The following PCDH15 variants were observed in gnomAD, a reference collection of about 807,000 sequenced individuals.
PCDH15 encodes the protein protocadherin related 15.
PCDH15 carries 129 observed loss-of-function variants against 178.5 expected under a neutral mutation model. The observed-to-expected ratio is 0.72, with a 90% CI of 0.63 to 0.84. The LOEUF (loss-of-function observed/expected upper bound fraction) is 0.84, where lower values mean the gene tolerates loss of function less well. Among genes scored for constraint, PCDH15 ranks in the 40% least tolerant of loss-of-function variants. PCDH15 has a pLI of 0.00. For synonymous variants in PCDH15, 800 were observed against 732.0 expected (o/e 1.09, Z -1.50); for missense variants, 2,230 against 2,099.9 (o/e 1.06, Z -1.21).
At chr10:55,115,853 A>G (rs1433791933) in intron 2 of PCDH15, among the ~76,000 whole-genome samples, 2 of 152,200 alleles carry the variant, frequency 1.3e-5, no homozygotes, top group Non-Finnish European at 2.9e-5. Context: ...ATTGGACTGA[A>G]TAGCCTAAAC....
intron 5 of PCDH15, among the ~76,000 whole-genome samples, chr10:54,355,120 C>CAAAAAAAAAAAAAAAAAAA (rs770404490): frequency 1.4e-5 from 1 of 69,840 alleles, no homozygotes; most frequent in Non-Finnish European, 2.6e-5. Context: ...AGGAGGATTG[C>CAAAAAAAAAAAAAAAAAAA]AAAAAAAAAA....
intron 26 of PCDH15, among the ~76,000 whole-genome samples, chr10:53,889,053 C>T (rs2081375713): frequency 6.6e-6 from 1 of 150,844 alleles, no homozygotes; most frequent in Admixed American, 6.6e-5. Flanking sequence ...TGACCTCCTA[C>T]ATCACTCCAA....
At chr10:54,517,931 G>A (rs879329426) in intron 3 of PCDH15, among the ~76,000 whole-genome samples, 13 of 152,106 alleles carry the variant, frequency 8.5e-5, no homozygotes, top group Non-Finnish European at 1.6e-4. Flanking sequence ...TCGACTACAT[G>A]GAAACTGAAC....
intron 5 of PCDH15, 73 bp from the exon 6 acceptor site, chr10:54,346,557 A>G (rs1279349245): frequency 6.4e-7 from 1 of 1,570,052 alleles, no homozygotes; most frequent in Admixed American, 1.7e-5. Context: ...ACAGCATAAA[A>G]ATCAGCTCTT....
chr10:55,593,806 T>C (rs1221881958), intron 2 of PCDH15, among the ~76,000 whole-genome samples: 1 of 151,784 alleles, frequency 6.6e-6, no homozygotes, highest in Non-Finnish European at 1.5e-5. Flanking sequence ...ATCCCTCATA[T>C]CTAGGGATCT....
chr10:54,804,878 T>A (rs1023344652), upstream of PCDH15, among the ~76,000 whole-genome samples: 1 of 142,208 alleles, frequency 7.0e-6, no homozygotes, highest in African/African-American at 2.6e-5. Context: ...ACAAACTTTC[T>A]TTTTCTGTAT....
chr10:55,065,049 A>G (rs931668053), intron 2 of PCDH15, among the ~76,000 whole-genome samples: 9 of 152,116 alleles, frequency 5.9e-5, no homozygotes, highest in African/African-American at 1.9e-4. Flanking sequence ...CCAGCTAATT[A>G]GAAGGGCTGT....
chr10:55,133,588 A>G (rs541836586), intron 2 of PCDH15, among the ~76,000 whole-genome samples: 1 of 152,114 alleles, frequency 6.6e-6, no homozygotes, highest in East Asian at 1.9e-4. Context: ...TGATTTCTGG[A>G]TTCTTATGCC....
At chr10:55,226,350 T>C (rs1452829345) in intron 1 of PCDH15, among the ~76,000 whole-genome samples, 1 of 150,984 alleles carries the variant, frequency 6.6e-6, no homozygotes, top group Non-Finnish European at 1.5e-5. Context: ...AGAATAGTTT[T>C]TTTGTTTTGT....
At chr10:55,378,307 G>T (rs1405992702) in intron 2 of PCDH15, among the ~76,000 whole-genome samples, 1 of 151,978 alleles carries the variant, frequency 6.6e-6, no homozygotes, top group African/African-American at 2.4e-5. Flanking sequence ...GGTGGATATG[G>T]GACATACACA....
intron 2 of PCDH15, among the ~76,000 whole-genome samples, chr10:54,611,893 T>C (rs546165505): frequency 1.3e-4 from 19 of 151,988 alleles, no homozygotes; most frequent in South Asian, 6.2e-4. Flanking sequence ...AATTGTATGA[T>C]TGTATGAATG....
chr10:54,124,593 G>A (rs534561112), intron 15 of PCDH15, among the ~76,000 whole-genome samples: 55 of 152,216 alleles, frequency 3.6e-4, no homozygotes, highest in African/African-American at 1.3e-3. Flanking sequence ...AAAAATAAAA[G>A]CATCTTTGAT....
intron 2 of PCDH15, among the ~76,000 whole-genome samples, chr10:55,133,158 A>G (rs1473912530): frequency 6.6e-6 from 1 of 152,210 alleles, no homozygotes; most frequent in Admixed American, 6.5e-5. Flanking sequence ...TTTAATCATC[A>G]ATAACAGTTA....
chr10:54,179,564 T>TAAA (rs1019012056), intron 13 of PCDH15, among the ~76,000 whole-genome samples: 6 of 151,982 alleles, frequency 3.9e-5, no homozygotes, highest in African/African-American at 1.4e-4. Context: ...AAACTTAAAG[T>TAAA]ATAATAATAA....
chr10:54,157,027 G>A (rs928182145), intron 13 of PCDH15, among the ~76,000 whole-genome samples: 2 of 152,158 alleles, frequency 1.3e-5, no homozygotes, highest in African/African-American at 2.4e-5. Context: ...GCTTTGCAGG[G>A]GACAGCCTCC....
chr10:55,148,269 A>T (rs1468091703), intron 2 of PCDH15, among the ~76,000 whole-genome samples: 1 of 151,888 alleles, frequency 6.6e-6, no homozygotes, highest in East Asian at 1.9e-4. Context: ...ATTAATATTT[A>T]TGAACAGATT....
At chr10:54,358,996 C>A (rs1039564942) in intron 5 of PCDH15, among the ~76,000 whole-genome samples, 97 of 122,684 alleles carry the variant, frequency 7.9e-4, no homozygotes, top group African/African-American at 2.3e-3. Flanking sequence ...GAACATCACA[C>A]TCTGGGGACT....
chr10:55,255,891 CT>C (rs1841983015), intron 1 of PCDH15, among the ~76,000 whole-genome samples: 2 of 152,106 alleles, frequency 1.3e-5, no homozygotes, highest in African/African-American at 4.8e-5. Context: ...TTCTTCCATT[CT>C]TTAGGTTGCC....
chr10:54,583,528 A>T (rs967038186), intron 2 of PCDH15, among the ~76,000 whole-genome samples: 3 of 152,066 alleles, frequency 2.0e-5, no homozygotes, highest in Non-Finnish European at 2.9e-5. Flanking sequence ...ACAATGGGCA[A>T]ATGCTTTTAT....
Sources: allele counts gnomAD v4.1 joint callset (sites outside exome capture counted in the v4.1 genomes callset), GRCh38; gene constraint gnomAD v4.1.1; transcripts MANE v1.5; gene names NCBI Gene and HGNC (gene_info 2026-07-23, HGNC 2026-07-21).